METTL8: variants seen among roughly 807,000 people sequenced by gnomAD.
The protein encoded by METTL8 is methyltransferase 8, tRNA N3-cytidine.
Under a neutral mutation model 48.7 loss-of-function variants are expected in METTL8, and 32 were observed. The ratio of observed to expected loss-of-function variants is 0.66; its 90% CI spans 0.50 to 0.88. The LOEUF (loss-of-function observed/expected upper bound fraction) is 0.88, where lower values mean the gene tolerates loss of function less well. Among genes scored for constraint, METTL8 ranks in the 40% least tolerant of loss-of-function variants. The pLI is 0.00. For synonymous variants in METTL8, 136 were observed against 157.1 expected (o/e 0.87, Z 1.01); for missense variants, 464 against 474.4 (o/e 0.98, Z 0.20).
At chr2:171,420,899 A>G (rs932440142) in intron 1 of METTL8, among the ~76,000 whole-genome samples, 4 of 152,250 alleles carry the variant, frequency 2.6e-5, no homozygotes, top group African/African-American at 9.6e-5. Flanking sequence ...CAATTTCATT[A>G]ACTTGATAAA....
intron 2 of METTL8, among the ~76,000 whole-genome samples, chr2:171,361,972 T>A (rs1685212482): frequency 6.6e-6 from 1 of 151,980 alleles, no homozygotes; most frequent in East Asian, 1.9e-4. Flanking sequence ...AGGTTTGGGT[T>A]CAGGTTAGGA....
chr2:171,351,258 A>G (rs181154322), intron 3 of METTL8, among the ~76,000 whole-genome samples: 3 of 152,312 alleles, frequency 2.0e-5, no homozygotes, highest in African/African-American at 7.2e-5. Flanking sequence ...GGTTTGTCAA[A>G]GATCAGATGG....
intron 5 of METTL8, among the ~76,000 whole-genome samples, chr2:171,334,807 A>G (rs193130458): frequency 1.2e-4 from 19 of 152,336 alleles, no homozygotes; most frequent in Admixed American, 3.3e-4. Context: ...GGTGAAAAAT[A>G]CAACTAGCAA....
At chr2:171,428,067 T>C (rs973115690) in intron 1 of METTL8, among the ~76,000 whole-genome samples, 3 of 152,232 alleles carry the variant, frequency 2.0e-5, no homozygotes, top group African/African-American at 7.2e-5. Context: ...CTTTCTTGTC[T>C]TTAAAATATC....
intron 1 of METTL8, among the ~76,000 whole-genome samples, chr2:171,413,315 T>C (rs898655739): frequency 6.6e-6 from 1 of 152,226 alleles, no homozygotes; most frequent in Non-Finnish European, 1.5e-5. Flanking sequence ...AATATATCTG[T>C]GTGAGATCAG....
intron 1 of METTL8, among the ~76,000 whole-genome samples, chr2:171,433,673 C>A (rs925456426): frequency 6.6e-6 from 1 of 152,066 alleles, no homozygotes; most frequent in African/African-American, 2.4e-5. Flanking sequence ...AGAATGGAGG[C>A]GAGAGGAAAT....
chr2:171,374,070 C>T (rs969965630), intron 2 of METTL8, among the ~76,000 whole-genome samples: 1 of 152,190 alleles, frequency 6.6e-6, no homozygotes, highest in African/African-American at 2.4e-5. Context: ...TTACCTTGAG[C>T]AGTATGGCCA....
intron 2 of METTL8, chr2:171,374,790 A>G (rs1265117048): frequency 1.4e-5 from 9 of 639,582 alleles, no homozygotes; most frequent in Non-Finnish European, 2.5e-5. Flanking sequence ...CACTCAGCAT[A>G]ATTATTCTGA....
At chr2:171,403,012 A>G (rs1689796897) in intron 1 of METTL8, among the ~76,000 whole-genome samples, 1 of 152,216 alleles carries the variant, frequency 6.6e-6, no homozygotes, top group Admixed American at 6.5e-5. Flanking sequence ...ATACTGATAT[A>G]AATGATTAAA....
intron 2 of METTL8, among the ~76,000 whole-genome samples, chr2:171,383,006 G>T (rs942659810): frequency 6.6e-6 from 1 of 152,036 alleles, no homozygotes; most frequent in African/African-American, 2.4e-5. Flanking sequence ...CCTGAGAGGC[G>T]GAGTTTGCAG....
chr2:171,432,947 A>G (rs1052097385), intron 1 of METTL8: 1 of 152,254 alleles, frequency 6.6e-6, no homozygotes, highest in Non-Finnish European at 1.5e-5. Context: ...AAACACTTCT[A>G]ATATTAAACA....
chr2:171,362,499 G>T (rs1019928996), intron 2 of METTL8, among the ~76,000 whole-genome samples: 1 of 151,872 alleles, frequency 6.6e-6, no homozygotes. Flanking sequence ...ATATGAGAGG[G>T]TATATTCCAG....
At chr2:171,401,164 C>T (rs1028732864) in intron 1 of METTL8, among the ~76,000 whole-genome samples, 28 of 152,176 alleles carry the variant, frequency 1.8e-4, no homozygotes, top group African/African-American at 5.3e-4. Flanking sequence ...CTAAACATTA[C>T]CTGAGAGGCT....
At chr2:171,426,968 T>G in intron 1 of METTL8, among the ~76,000 whole-genome samples, 1 of 152,228 alleles carries the variant, frequency 6.6e-6, no homozygotes, top group Middle Eastern at 3.2e-3. Flanking sequence ...TTTTCCCACA[T>G]GCCCTAGCCA....
intron 1 of METTL8, among the ~76,000 whole-genome samples, chr2:171,424,472 T>A (rs1304853947): frequency 1.3e-5 from 2 of 152,358 alleles, no homozygotes; most frequent in East Asian, 3.9e-4. Context: ...GCCACAGGTG[T>A]GGAGCTGCCC....
intron 1 of METTL8, among the ~76,000 whole-genome samples, chr2:171,429,601 C>T (rs1343968151): frequency 6.6e-6 from 1 of 151,992 alleles, no homozygotes; most frequent in Non-Finnish European, 1.5e-5. Flanking sequence ...AGATACAACA[C>T]ACACATAAAA....
chr2:171,331,757 G>A (rs1480092602), intron 6 of METTL8, 47 bp downstream of exon 6: 1 of 1,393,736 alleles, frequency 7.2e-7, no homozygotes, highest in African/African-American at 1.4e-5. Context: ...ATTGTTCTGG[G>A]GTAATACCTT....
At chr2:171,404,890 G>C (rs1417120796) in intron 1 of METTL8, among the ~76,000 whole-genome samples, 2 of 152,098 alleles carry the variant, frequency 1.3e-5, no homozygotes, top group African/African-American at 4.8e-5. Flanking sequence ...GATCATGACA[G>C]CTAAAGAAAA....
At chr2:171,418,830 C>CAGGCA (rs1691587582) in intron 1 of METTL8, among the ~76,000 whole-genome samples, 1 of 152,042 alleles carries the variant, frequency 6.6e-6, no homozygotes, top group Non-Finnish European at 1.5e-5. Context: ...TAGCATGTGC[C>CAGGCA]TGTGGCCCCA....
Sources: allele counts gnomAD v4.1 joint callset (sites outside exome capture counted in the v4.1 genomes callset), GRCh38; gene constraint gnomAD v4.1.1; transcripts MANE v1.5; gene names NCBI Gene and HGNC (gene_info 2026-07-23, HGNC 2026-07-21).